Variants in ITGBL1 observed in about 807,000 individuals in gnomAD.
ITGBL1 encodes integrin subunit beta like 1, also known as integrin beta-like protein 1.
Under a neutral mutation model 68.5 loss-of-function variants are expected in ITGBL1, and 51 were observed. The observed-to-expected ratio is 0.74, with a 90% CI of 0.59 to 0.94. The LOEUF (loss-of-function observed/expected upper bound fraction) is 0.94. Ranked by LOEUF, ITGBL1 falls within the 40% of genes least tolerant of loss-of-function variation. The pLI, the probability that ITGBL1 is intolerant of heterozygous loss-of-function variation, is 0.00. For missense variants in ITGBL1, 649 were observed against 647.4 expected, an observed-to-expected ratio of 1.00 and a Z score of -0.03; for synonymous variants, 209 against 227.3, an observed-to-expected ratio of 0.92 and a Z score of 0.72.
intron 6 of ITGBL1, among the ~76,000 whole-genome samples, chr13:101,591,113 G>A (rs2050645416): frequency 6.6e-6 from 1 of 152,122 alleles, no homozygotes; most frequent in Non-Finnish European, 1.5e-5. Flanking sequence ...ATGTTGGCCA[G>A]GCTGGTCTTG....
chr13:101,554,296 T>A (rs542256921), intron 2 of ITGBL1, among the ~76,000 whole-genome samples: 6 of 152,260 alleles, frequency 3.9e-5, no homozygotes, highest in African/African-American at 1.4e-4. Flanking sequence ...TTAAATTCCA[T>A]TTAGGTTGCT....
At chr13:101,489,130 A>G (rs1256896118) in intron 2 of ITGBL1, among the ~76,000 whole-genome samples, 2 of 152,180 alleles carry the variant, frequency 1.3e-5, no homozygotes, top group African/African-American at 2.4e-5. Context: ...CTAGATTACT[A>G]CTCTGTTTTA....
At chr13:101,603,425 G>A (rs1348221671) in intron 7 of ITGBL1, among the ~76,000 whole-genome samples, 1 of 151,812 alleles carries the variant, frequency 6.6e-6, no homozygotes, top group Non-Finnish European at 1.5e-5. Flanking sequence ...TTTTTGACTA[G>A]CCCTGTATTT....
chr13:101,669,898 A>T (rs993945771), intron 7 of ITGBL1, among the ~76,000 whole-genome samples: 1 of 152,148 alleles, frequency 6.6e-6, no homozygotes, highest in African/African-American at 2.4e-5. Context: ...GTCATACATC[A>T]TTGCCTCTAG....
intron 2 of ITGBL1, among the ~76,000 whole-genome samples, chr13:101,541,688 C>T (rs1566723354): frequency 6.6e-6 from 1 of 151,744 alleles, no homozygotes; most frequent in East Asian, 1.9e-4. Flanking sequence ...TGGTCCTGGA[C>T]TTTTTTTTGG....
intron 2 of ITGBL1, among the ~76,000 whole-genome samples, chr13:101,457,387 C>T (rs746176009): frequency 2.6e-5 from 4 of 152,180 alleles, no homozygotes; most frequent in Non-Finnish European, 5.9e-5. Context: ...GTATTAGATA[C>T]ACTATGCCCT....
At chr13:101,636,046 C>CT (rs1303049430) in intron 7 of ITGBL1, among the ~76,000 whole-genome samples, 2 of 152,010 alleles carry the variant, frequency 1.3e-5, no homozygotes, top group African/African-American at 4.8e-5. Flanking sequence ...GTGATGAGAA[C>CT]TTTTTTATCC....
At chr13:101,692,460 CTA>C in intron 7 of ITGBL1, 123 bp from the exon 8 acceptor site, 1 of 675,230 alleles carries the variant, frequency 1.5e-6, no homozygotes, top group Non-Finnish European at 2.7e-6. Context: ...ATTTGTGTAA[CTA>C]TTATCAGGCA....
chr13:101,701,101 A>G (rs539326840), intron 8 of ITGBL1, among the ~76,000 whole-genome samples: 1 of 152,342 alleles, frequency 6.6e-6, no homozygotes, highest in African/African-American at 2.4e-5. Context: ...TATTAAAAAG[A>G]GGGTATTGAA....
intron 7 of ITGBL1, among the ~76,000 whole-genome samples, chr13:101,684,303 C>T (rs1365956477): frequency 6.6e-6 from 1 of 151,944 alleles, no homozygotes; most frequent in Non-Finnish European, 1.5e-5. Flanking sequence ...GGTATTTCTA[C>T]CTCCTTCTTG....
intron 6 of ITGBL1, among the ~76,000 whole-genome samples, chr13:101,596,104 GTCCTT>G (rs2029951208): frequency 6.6e-6 from 1 of 151,824 alleles, no homozygotes; most frequent in Admixed American, 6.6e-5. Flanking sequence ...AATAGTATTC[GTCCTT>G]TAAGAAGGAA....
intron 2 of ITGBL1, among the ~76,000 whole-genome samples, chr13:101,530,001 T>C (rs1488019675): frequency 1.3e-5 from 2 of 152,060 alleles, no homozygotes; most frequent in Admixed American, 6.6e-5. Context: ...ATAAAAGGCG[T>C]AGACAAACTG....
At chr13:101,501,620 G>C (rs913207587) in intron 2 of ITGBL1, among the ~76,000 whole-genome samples, 3 of 152,142 alleles carry the variant, frequency 2.0e-5, no homozygotes, top group African/African-American at 4.8e-5. Flanking sequence ...CCAGAGAATT[G>C]TAATGCCCCA....
At chr13:101,709,552 C>G (rs965062238) in intron 9 of ITGBL1, among the ~76,000 whole-genome samples, 1 of 152,006 alleles carries the variant, frequency 6.6e-6, no homozygotes, top group Middle Eastern at 3.4e-3. Flanking sequence ...CTGAGCATGG[C>G]TTCAGACATA....
intron 6 of ITGBL1, among the ~76,000 whole-genome samples, chr13:101,589,654 T>A (rs1370816930): frequency 1.3e-5 from 2 of 152,216 alleles, no homozygotes; most frequent in Non-Finnish European, 2.9e-5. Context: ...CTTCAGCCAA[T>A]CACAGCAATG....
chr13:101,602,367 G>C (rs1236994883), intron 7 of ITGBL1, among the ~76,000 whole-genome samples: 1 of 151,972 alleles, frequency 6.6e-6, no homozygotes, highest in Non-Finnish European at 1.5e-5. Context: ...AAGAACACGT[G>C]TTCCATTCCT....
intron 2 of ITGBL1, among the ~76,000 whole-genome samples, chr13:101,463,404 G>A (rs115702257): frequency 4.4e-4 from 67 of 152,170 alleles, no homozygotes; most frequent in African/African-American, 1.4e-3. Flanking sequence ...ACTGCCAGCC[G>A]TCTGAGTCTT....
rs969052493 is a variant in ITGBL1 at position 101,458,879 on chromosome 13, G to A, written c.316+4779G>A. Among the ~76,000 whole-genome samples, 32 of 152,160 alleles carry A rather than the reference G, an allele frequency of 2.1e-4. 1 individual carries two copies. The highest frequency in any genetic ancestry group is 7.7e-4 in the African/African-American group (32 of 41,436). On this transcript the variant is annotated intron_variant, in intron 2 of 10. Coordinates refer to ENST00000376180, the MANE Select transcript of ITGBL1 (RefSeq NM_004791.3). ...CGACCGTATGGTGCCCAAAAGCATG[G>A]CAAGTTAAAGTAGAGAACCAATGGG...
chr13:101,645,449 G>A (rs1249296509), intron 7 of ITGBL1, among the ~76,000 whole-genome samples: 1 of 151,894 alleles, frequency 6.6e-6, no homozygotes, highest in Non-Finnish European at 1.5e-5. Flanking sequence ...GCCTATCTGT[G>A]AATGAGCCTG....
Sources: gnomAD v4.1 joint callset for allele counts (sites outside exome capture counted in the v4.1 genomes callset) on GRCh38, gnomAD v4.1.1 for gene constraint, MANE v1.5 for transcripts, NCBI Gene and HGNC (gene_info 2026-07-23, HGNC 2026-07-21) for gene names.